The following AK6 variants were observed in gnomAD, a reference collection of about 807,000 sequenced individuals.
AK6 encodes the protein adenylate kinase 6.
In AK6, 24 loss-of-function variants were observed where a neutral mutation model predicts 23.7. That is an observed-to-expected ratio of 1.01 (90% CI 0.73 to 1.43). The LOEUF (loss-of-function observed/expected upper bound fraction) is 1.43. AK6 is among the 40% of genes most tolerant of loss of function. The pLI is 0.00. For synonymous variants in AK6, 73 were observed against 69.8 expected, an observed-to-expected ratio of 1.05 and a Z score of -0.23; for missense variants, 191 against 199.1, an observed-to-expected ratio of 0.96 and a Z score of 0.24.
At chr5:69,362,445 T>C (rs1289230050) in intron 2 of AK6, among the ~76,000 whole-genome samples, 16 of 152,200 alleles carry the variant, frequency 1.1e-4, no homozygotes, top group Admixed American at 1.0e-3. Flanking sequence ...TTTCCAGATA[T>C]ATTCAAACAG....
intron 2 of AK6, among the ~76,000 whole-genome samples, chr5:69,360,136 C>T (rs897951920): frequency 2.0e-5 from 3 of 152,066 alleles, no homozygotes; most frequent in Non-Finnish European, 2.9e-5. Context: ...GGAGAATGGA[C>T]TATGTGAGTA....
chr5:69,367,695 G>C (rs966267039), intron 1 of AK6: 3 of 152,104 alleles, frequency 2.0e-5, no homozygotes, highest in African/African-American at 4.8e-5. Context: ...TAGGACCACA[G>C]GTATGCACCA....
intron 2 of AK6, chr5:69,365,678 T>A (rs1267785285): frequency 6.2e-7 from 1 of 1,602,974 alleles, no homozygotes; most frequent in Non-Finnish European, 8.5e-7. Flanking sequence ...TCAGGATTTG[T>A]GCCATCATCT....
At chr5:69,352,482 C>CCT (rs1554034494) in intron 4 of AK6, among the ~76,000 whole-genome samples, 1 of 151,930 alleles carries the variant, frequency 6.6e-6, no homozygotes, top group African/African-American at 2.4e-5. Context: ...ATTTCCCCCC[C>CCT]CCACAATTTG....
chr5:69,353,812 C>T (rs1474450305), intron 4 of AK6, among the ~76,000 whole-genome samples: 1 of 152,066 alleles, frequency 6.6e-6, no homozygotes, highest in African/African-American at 2.4e-5. Flanking sequence ...CTTTGTCAAC[C>T]AGGCTGGAGT....
intron 4 of AK6, 36 bp downstream of exon 4, chr5:69,355,613 T>C (rs1226452528): frequency 3.9e-6 from 6 of 1,549,482 alleles, no homozygotes; most frequent in Admixed American, 2.1e-5. Flanking sequence ...AAAGTTAACA[T>C]TATGCTTTAA....
intron 1 of AK6, 61 bp downstream of exon 1, chr5:69,369,402 C>T: frequency 6.3e-7 from 1 of 1,591,316 alleles, no homozygotes; most frequent in Non-Finnish European, 8.6e-7. Flanking sequence ...CGCCCGATGC[C>T]CAGAGCACTC....
At chr5:69,354,161 T>C (rs754660140) in intron 4 of AK6, among the ~76,000 whole-genome samples, 3 of 152,174 alleles carry the variant, frequency 2.0e-5, no homozygotes, top group South Asian at 2.1e-4. Context: ...AGCTCTCTCA[T>C]AGTTTTTTCA....
intron 1 of AK6, among the ~76,000 whole-genome samples, chr5:69,367,606 G>C (rs1762508221): frequency 6.6e-6 from 1 of 151,832 alleles, no homozygotes; most frequent in Admixed American, 6.6e-5. Flanking sequence ...ACCTAGGCTG[G>C]AGTGCAGTGG....
rs376649410 is a variant in AK6, at chr5:69,369,500, C to A, written c.-10G>T. The A allele has an allele frequency of 1.7e-4, 271 of 1,611,534 alleles. No homozygotes were observed. The highest frequency in any genetic ancestry group is 2.0e-4 in the Non-Finnish European group (234 of 1,179,360). On this transcript the variant is annotated 5_prime_UTR_variant, in exon 1 of 5. Transcript: ENST00000380822. Reference sequence around the variant, plus strand: ...TGTTCGGAAGCAACATGGTCCCCGCCGCGACGGCTTCGGGCGCCTCGCTCA... The same window carrying A: ...TGTTCGGAAGCAACATGGTCCCCGCAGCGACGGCTTCGGGCGCCTCGCTCA...
intron 2 of AK6, chr5:69,364,691 G>A: frequency 1.7e-6 from 1 of 571,732 alleles, no homozygotes; most frequent in Non-Finnish European, 3.1e-6. Context: ...TCCTCTTGGT[G>A]ACAACAAGGA....
intron 4 of AK6, among the ~76,000 whole-genome samples, chr5:69,354,470 C>A (rs1231467626): frequency 6.6e-6 from 1 of 152,166 alleles, no homozygotes; most frequent in Non-Finnish European, 1.5e-5. Flanking sequence ...CATTCTGACC[C>A]CGACCTTAAG....
chr5:69,369,351 G>T (rs1030647144), intron 1 of AK6, 112 bp downstream of exon 1: 5 of 1,202,952 alleles, frequency 4.2e-6, no homozygotes, highest in Non-Finnish European at 5.5e-6. Context: ...CGTGGCCCTC[G>T]GCCGGCCTCT....
intron 1 of AK6, 108 bp downstream of exon 1, chr5:69,369,355 G>A: frequency 8.0e-7 from 1 of 1,243,634 alleles, no homozygotes; most frequent in Admixed American, 3.1e-5. Flanking sequence ...GCCCTCGGCC[G>A]GCCTCTGAAG....
In AK6 at chr5:69,361,617, T is replaced by C. The variant is rs1762239408; in HGVS notation, c.121+4886A>G. Among the ~76,000 whole-genome samples the C allele has an allele frequency of 2.6e-5, 4 of 151,608 alleles. No homozygotes were observed. The South Asian group carries it at 8.4e-4, about 32-fold the overall frequency. ...CAACGCCGGACTGATTTTTTTTTTT[T>C]TTTGAGACTGAGTCTTGCTCTGTCT... On this transcript the variant is annotated intron_variant, in intron 2 of 4. Transcript: ENST00000380822.
At chr5:69,361,016 G>A (rs376533083) in intron 2 of AK6, among the ~76,000 whole-genome samples, 6 of 152,290 alleles carry the variant, frequency 3.9e-5, no homozygotes, top group Admixed American at 1.3e-4. Flanking sequence ...GCCGAAGACC[G>A]AAAAACTGCT....
intron 2 of AK6, among the ~76,000 whole-genome samples, chr5:69,356,587 G>T (rs184490187): frequency 6.6e-6 from 1 of 152,054 alleles, no homozygotes; most frequent in Admixed American, 6.6e-5. Flanking sequence ...GGAGGTGGAG[G>T]TTACAATAAG....
chr5:69,363,404 T>C (rs1004365218), intron 2 of AK6, among the ~76,000 whole-genome samples: 5 of 152,262 alleles, frequency 3.3e-5, no homozygotes, highest in East Asian at 1.9e-4. Context: ...ATGAATGAAA[T>C]TGACTATTAT....
intron 4 of AK6, 81 bp from the exon 5 acceptor site, chr5:69,352,334 A>G: frequency 8.9e-7 from 1 of 1,119,010 alleles, no homozygotes; most frequent in South Asian, 1.5e-5. Flanking sequence ...CAGAAACTGG[A>G]CACTTTTCAA....
Sources: allele counts gnomAD v4.1 joint callset (sites outside exome capture counted in the v4.1 genomes callset), GRCh38; gene constraint gnomAD v4.1.1; transcripts MANE v1.5; gene names NCBI Gene and HGNC (gene_info 2026-07-23, HGNC 2026-07-21).